REEP3: variants seen among roughly 807,000 people sequenced by gnomAD.
REEP3 encodes the protein receptor expression-enhancing protein 3.
Under a neutral mutation model 41.3 loss-of-function variants are expected in REEP3, and 20 were observed. That is an observed-to-expected ratio of 0.48 (90% confidence interval 0.34 to 0.70). The LOEUF is 0.70. Among genes scored for constraint, REEP3 ranks in the 30% least tolerant of loss-of-function variants. The probability of loss-of-function intolerance (pLI) is 0.01; values close to 1 mark genes in which losing one functional copy is unlikely to be tolerated. For missense variants in REEP3, 271 were observed against 308.8 expected, an observed-to-expected ratio of 0.88 and a Z score of 0.92; for synonymous variants, 104 against 101.8, an observed-to-expected ratio of 1.02 and a Z score of -0.13.
At chr10:63,557,669 A>G (rs1479379761) in intron 1 of REEP3, among the ~76,000 whole-genome samples, 6 of 152,174 alleles carry the variant, frequency 3.9e-5, no homozygotes, top group Admixed American at 3.9e-4. Flanking sequence ...ACTGACTACT[A>G]CATTTTAACT....
chr10:63,568,241 C>T (rs1181241861), intron 2 of REEP3, among the ~76,000 whole-genome samples: 1 of 150,704 alleles, frequency 6.6e-6, no homozygotes, highest in East Asian at 1.9e-4. Flanking sequence ...TTTTGTTTTT[C>T]GAGTAAGTCA....
intron 5 of REEP3, among the ~76,000 whole-genome samples, chr10:63,607,245 G>T (rs72838790): frequency 0.056 from 8,448 of 152,204 alleles, 414 homozygotes; most frequent in African/African-American, 0.13. Flanking sequence ...GGTAATAATG[G>T]CTGTTAAAGT....
chr10:63,530,082 T>C (rs1955406058), intron 1 of REEP3, among the ~76,000 whole-genome samples: 1 of 152,318 alleles, frequency 6.6e-6, no homozygotes, highest in Admixed American at 6.5e-5. Flanking sequence ...CCCTGATGAA[T>C]GTCATTTTTA....
At chr10:63,585,072 T>G (rs1426733594) in intron 2 of REEP3, among the ~76,000 whole-genome samples, 1 of 152,166 alleles carries the variant, frequency 6.6e-6, no homozygotes, top group Non-Finnish European at 1.5e-5. Flanking sequence ...TCTGTTAACT[T>G]TGAAAAAATA....
At chr10:63,560,851 T>C (rs987109968) in intron 1 of REEP3, among the ~76,000 whole-genome samples, 2 of 152,158 alleles carry the variant, frequency 1.3e-5, no homozygotes, top group African/African-American at 2.4e-5. Flanking sequence ...ACATCTACAG[T>C]AGACCCCAGT....
At chr10:63,528,233 C>G (rs1203333283) in intron 1 of REEP3, among the ~76,000 whole-genome samples, 1 of 152,216 alleles carries the variant, frequency 6.6e-6, no homozygotes, top group East Asian at 1.9e-4. Context: ...TTAAGACATC[C>G]AAAACTAGGC....
intron 2 of REEP3, among the ~76,000 whole-genome samples, chr10:63,578,814 G>A (rs1414177258): frequency 2.6e-5 from 4 of 151,984 alleles, no homozygotes; most frequent in African/African-American, 7.3e-5. Flanking sequence ...ACATACTGTC[G>A]TTTTTTCAAT....
intron 2 of REEP3, among the ~76,000 whole-genome samples, chr10:63,566,976 A>G (rs1310748606): frequency 1.3e-5 from 2 of 152,100 alleles, no homozygotes; most frequent in East Asian, 3.8e-4. Flanking sequence ...TTCTGTCACT[A>G]ACATTTATTT....
intron 2 of REEP3, among the ~76,000 whole-genome samples, chr10:63,574,483 G>C (rs1223692631): frequency 6.6e-6 from 1 of 152,126 alleles, no homozygotes; most frequent in Non-Finnish European, 1.5e-5. Flanking sequence ...TCAGTAAGTA[G>C]TAGTAAATAA....
At chr10:63,547,044 C>T (rs1157250734) in intron 1 of REEP3, among the ~76,000 whole-genome samples, 1 of 152,126 alleles carries the variant, frequency 6.6e-6, no homozygotes, top group African/African-American at 2.4e-5. Flanking sequence ...GCCTCAGCCT[C>T]CCAAGTAGCT....
intron 3 of REEP3, among the ~76,000 whole-genome samples, chr10:63,596,313 A>AT (rs1956113891): frequency 1.4e-5 from 2 of 144,148 alleles, no homozygotes; most frequent in African/African-American, 5.4e-5. Flanking sequence ...CAGAGCACAG[A>AT]TCCCCAACCG....
intron 1 of REEP3, among the ~76,000 whole-genome samples, chr10:63,535,213 G>A (rs1955463061): frequency 6.6e-6 from 1 of 151,714 alleles, no homozygotes; most frequent in Non-Finnish European, 1.5e-5. Flanking sequence ...GACATAAGGG[G>A]AAAAAAAGAT....
chr10:63,583,290 C>A (rs1315840279), intron 2 of REEP3, among the ~76,000 whole-genome samples: 1 of 152,140 alleles, frequency 6.6e-6, no homozygotes, highest in African/African-American at 2.4e-5. Flanking sequence ...GGTGCCTGGC[C>A]CCCGGAGTTT....
chr10:63,602,143 G>A (rs1956177856), intron 5 of REEP3, among the ~76,000 whole-genome samples: 1 of 151,914 alleles, frequency 6.6e-6, no homozygotes, highest in Admixed American at 6.6e-5. Flanking sequence ...ATTAACTCTG[G>A]GGAAAAAAGT....
intron 1 of REEP3, among the ~76,000 whole-genome samples, chr10:63,552,524 T>C (rs1955639269): frequency 6.6e-6 from 1 of 152,242 alleles, no homozygotes; most frequent in Non-Finnish European, 1.5e-5. Context: ...GGTTATTGTT[T>C]TTAATACAGA....
intron 1 of REEP3, among the ~76,000 whole-genome samples, chr10:63,563,584 G>A (rs1027723883): frequency 6.6e-6 from 1 of 152,094 alleles, no homozygotes; most frequent in South Asian, 2.1e-4. Flanking sequence ...CGACTACAGG[G>A]CAGGTAATGT....
At chr10:63,550,782 G>A (rs1489270116) in intron 1 of REEP3, among the ~76,000 whole-genome samples, 2 of 152,120 alleles carry the variant, frequency 1.3e-5, no homozygotes, top group East Asian at 3.9e-4. Context: ...ACCTCAGGTA[G>A]TATCTACTAT....
chr10:63,617,157 C>G (rs926446951), intron 6 of REEP3, among the ~76,000 whole-genome samples: 1 of 152,110 alleles, frequency 6.6e-6, no homozygotes, highest in African/African-American at 2.4e-5. Context: ...TTCTTCCACC[C>G]GGAACACACA....
At chr10:63,534,655 A>G (rs1955458099) in intron 1 of REEP3, among the ~76,000 whole-genome samples, 4 of 152,216 alleles carry the variant, frequency 2.6e-5, no homozygotes, top group African/African-American at 7.2e-5. Context: ...TCTGTACCCA[A>G]TTGCCTCAGA....
Sources: allele counts gnomAD v4.1 joint callset (sites outside exome capture counted in the v4.1 genomes callset), GRCh38; gene constraint gnomAD v4.1.1; transcripts MANE v1.5; gene names NCBI Gene and HGNC (gene_info 2026-07-23, HGNC 2026-07-21).